The following FOXP2 variants were observed in gnomAD, a reference collection of about 807,000 sequenced individuals.
FOXP2 encodes the protein forkhead box protein P2.
FOXP2 carries 12 observed loss-of-function variants against 115.8 expected under a neutral mutation model. That is an observed-to-expected ratio of 0.10 (90% CI 0.07 to 0.17). The LOEUF (loss-of-function observed/expected upper bound fraction) is 0.17. FOXP2 is among the 10% of genes least tolerant of loss of function. The pLI is 1.00. For missense variants in FOXP2, 629 were observed against 843.5 expected (o/e 0.75, Z 3.15); for synonymous variants, 328 against 297.7 (o/e 1.10, Z -1.05).
intron 2 of FOXP2, among the ~76,000 whole-genome samples, chr7:114,372,242 C>T (rs1447867882): frequency 6.6e-6 from 1 of 152,096 alleles, no homozygotes; most frequent in Admixed American, 6.6e-5. Context: ...CTTCCTAAAT[C>T]CTTATATTCT....
intron 2 of FOXP2, among the ~76,000 whole-genome samples, chr7:114,478,402 T>A (rs1432684054): frequency 6.6e-6 from 1 of 151,834 alleles, no homozygotes; most frequent in Non-Finnish European, 1.5e-5. Flanking sequence ...TAAACAAAGT[T>A]ATGAATAAGG....
chr7:114,436,222 T>C lies in FOXP2; in HGVS notation c.168+9543T>C, dbSNP rs189352331. Among the ~76,000 whole-genome samples the C allele has an allele frequency of 4.0e-3, 603 of 152,026 alleles. 3 individuals are homozygous for C. The highest frequency in any genetic ancestry group is 0.018 in the South Asian group (87 of 4,816). ...ATAATTATTAATTTATTTTCTTTCT[T>C]GACCACCCCCTCTACTGCTATCACT... On this transcript the variant is annotated intron_variant, in intron 2 of 16. Transcript: ENST00000350908.
chr7:114,170,310 C>A (rs1405849496), intron 1 of FOXP2, among the ~76,000 whole-genome samples: 1 of 152,174 alleles, frequency 6.6e-6, no homozygotes, highest in African/African-American at 2.4e-5. Flanking sequence ...CCCTGTCTCT[C>A]TCCTTCTCTT....
At chr7:114,091,331 A>T (rs978330840) in intron 1 of FOXP2, among the ~76,000 whole-genome samples, 6 of 151,856 alleles carry the variant, frequency 4.0e-5, no homozygotes, top group African/African-American at 1.4e-4. Context: ...CTTACGTTGC[A>T]ACACTTTTAG....
intron 1 of FOXP2, among the ~76,000 whole-genome samples, chr7:114,111,956 T>C (rs1380305096): frequency 6.6e-6 from 1 of 151,818 alleles, no homozygotes; most frequent in Non-Finnish European, 1.5e-5. Context: ...GCAGAAGAAG[T>C]TGTGAACTGC....
intron 3 of FOXP2, among the ~76,000 whole-genome samples, chr7:114,611,336 G>A (rs1290476624): frequency 6.6e-6 from 1 of 152,192 alleles, no homozygotes; most frequent in Admixed American, 6.5e-5. Context: ...TGTTGAAAAA[G>A]CTGTAGGGAA....
chr7:114,191,163 G>A (rs1415794436), intron 1 of FOXP2, among the ~76,000 whole-genome samples: 1 of 152,116 alleles, frequency 6.6e-6, no homozygotes, highest in African/African-American at 2.4e-5. Flanking sequence ...ATCCCTGTAG[G>A]TTTATTCCTT....
chr7:114,424,456 G>T (rs552081443), intron 1 of FOXP2, among the ~76,000 whole-genome samples: 4 of 151,478 alleles, frequency 2.6e-5, no homozygotes, highest in Non-Finnish European at 5.9e-5. Flanking sequence ...AAATTTAAAT[G>T]CAATATGTAA....
intron 3 of FOXP2, among the ~76,000 whole-genome samples, chr7:114,571,576 A>T (rs1801304863): frequency 6.6e-6 from 1 of 151,900 alleles, no homozygotes; most frequent in Non-Finnish European, 1.5e-5. Context: ...GGATTCAACC[A>T]ACCACAGATC....
rs1203223695 is a variant in FOXP2 at position 114,691,005 on chromosome 7, G to C, written c.*1079G>C. The C allele has an allele frequency of 1.1e-5, 5 of 454,364 alleles. No individual in the cohort carries two copies. The highest frequency in any genetic ancestry group is 7.8e-5 in the South Asian group (5 of 64,476). 28.1% of individuals were successfully genotyped at this position (454,364 alleles called of 1,614,324 possible). A position where few individuals can be genotyped will look rare whatever the true frequency, so the allele number is the denominator to read the frequency against. ...GTCCATCTAAATGCAATGAAGATTT[G>C]CTTTCATTAAAGACAGAGGTGAGGA... On this transcript the variant is annotated 3_prime_UTR_variant, in exon 17 of 17. Transcript: ENST00000350908.
intron 2 of FOXP2, among the ~76,000 whole-genome samples, chr7:114,403,508 T>G (rs1245765245): frequency 6.6e-6 from 1 of 152,176 alleles, no homozygotes; most frequent in Non-Finnish European, 1.5e-5. Context: ...GTTAACAGTC[T>G]TTTTGCATCT....
intron 2 of FOXP2, among the ~76,000 whole-genome samples, chr7:114,530,566 A>AT (rs199861400): frequency 1.8e-4 from 27 of 151,580 alleles, no homozygotes; most frequent in East Asian, 5.8e-4. Context: ...CATACTCAAC[A>AT]TTTTTTTTGT....
chr7:114,394,773 T>A (rs552928687), intron 2 of FOXP2, among the ~76,000 whole-genome samples: 2 of 152,252 alleles, frequency 1.3e-5, no homozygotes, highest in South Asian at 4.1e-4. Flanking sequence ...TTCTAATGTG[T>A]CAAGGTCATG....
intron 2 of FOXP2, among the ~76,000 whole-genome samples, chr7:114,320,677 G>C (rs1160943744): frequency 1.3e-5 from 2 of 152,142 alleles, no homozygotes; most frequent in Non-Finnish European, 2.9e-5. Flanking sequence ...CCACAAGTCT[G>C]TCTTCATAGC....
chr7:114,656,931 T>C (rs1806623509), intron 10 of FOXP2, among the ~76,000 whole-genome samples: 1 of 152,178 alleles, frequency 6.6e-6, no homozygotes, highest in South Asian at 2.1e-4. Context: ...AGACAGGTGT[T>C]ACTAAATTAT....
chr7:114,472,184 G>A (rs1209706409), intron 2 of FOXP2, among the ~76,000 whole-genome samples: 1 of 151,884 alleles, frequency 6.6e-6, no homozygotes, highest in African/African-American at 2.4e-5. Flanking sequence ...GGAGTTTAAA[G>A]ATAGATGAAG....
chr7:114,534,246 A>C (rs1799269925), intron 2 of FOXP2, among the ~76,000 whole-genome samples: 2 of 151,858 alleles, frequency 1.3e-5, no homozygotes, highest in African/African-American at 4.8e-5. Flanking sequence ...CTTTTGCCTC[A>C]AAATTGTAAT....
intron 2 of FOXP2, among the ~76,000 whole-genome samples, chr7:114,395,615 A>G (rs1584692234): frequency 6.6e-6 from 1 of 152,280 alleles, no homozygotes; most frequent in Non-Finnish European, 1.5e-5. Context: ...TAAGAAGTCA[A>G]TGAGATTTTA....
intron 13 of FOXP2, 118 bp downstream of exon 13, chr7:114,659,791 C>A: frequency 1.3e-6 from 1 of 791,386 alleles, no homozygotes. Context: ...TTTTAACCTG[C>A]CTCTTGAATG....
Sources: gnomAD v4.1 joint callset for allele counts (sites outside exome capture counted in the v4.1 genomes callset) on GRCh38, gnomAD v4.1.1 for gene constraint, MANE v1.5 for transcripts, NCBI Gene and HGNC (gene_info 2026-07-23, HGNC 2026-07-21) for gene names.